The following LRP6 variants were observed in gnomAD, a reference collection of about 807,000 sequenced individuals.
LRP6 encodes LDL receptor related protein 6, also known as low-density lipoprotein receptor-related protein 6.
Under a neutral mutation model 184.1 loss-of-function variants are expected in LRP6, and 43 were observed. The observed-to-expected ratio is 0.23, with a 90% CI of 0.18 to 0.30. LRP6 has a LOEUF of 0.30. LRP6 is among the 10% of genes least tolerant of loss of function. LRP6 has a pLI of 1.00. For missense variants in LRP6, 1,571 were observed against 2,005.3 expected (o/e 0.78, Z 4.14); for synonymous variants, 719 against 684.9 (o/e 1.05, Z -0.78).
At chr12:12,215,003 T>A (rs1200404663) in intron 2 of LRP6, among the ~76,000 whole-genome samples, 1 of 152,238 alleles carries the variant, frequency 6.6e-6, no homozygotes, top group East Asian at 1.9e-4. Context: ...CCCTGCTATA[T>A]GAACCCTTCG....
At chr12:12,125,261 T>A in intron 21 of LRP6, 35 bp downstream of exon 21, 1 of 1,611,640 alleles carries the variant, frequency 6.2e-7, no homozygotes, top group South Asian at 1.1e-5. Context: ...TAAGATCTTA[T>A]GTATGTCGCA....
At chr12:12,237,919 A>G (rs1864964843) in intron 2 of LRP6, among the ~76,000 whole-genome samples, 1 of 152,236 alleles carries the variant, frequency 6.6e-6, no homozygotes, top group Non-Finnish European at 1.5e-5. Context: ...ACAGTATTCT[A>G]TCAACATTAA....
At chr12:12,171,822 C>A (rs1227078803) in intron 7 of LRP6, among the ~76,000 whole-genome samples, 2 of 152,220 alleles carry the variant, frequency 1.3e-5, no homozygotes, top group African/African-American at 4.8e-5. Flanking sequence ...CAATCTTTTT[C>A]TACCGGGCAC....
intron 7 of LRP6, among the ~76,000 whole-genome samples, chr12:12,177,246 G>C (rs1412676602): frequency 6.6e-6 from 1 of 152,098 alleles, no homozygotes; most frequent in Non-Finnish European, 1.5e-5. Context: ...TTCATTCTCG[G>C]GCATGACAAA....
rs571861133 is a variant in LRP6, at chr12:12,170,286, C to T, written c.1546-4991G>A. Among the ~76,000 whole-genome samples the T allele has an allele frequency of 8.9e-4, 136 of 152,138 alleles. 1 individual carries two copies. The highest frequency in any genetic ancestry group is 1.6e-3 in the Non-Finnish European group (106 of 68,010). On this transcript the variant is annotated intron_variant, in intron 7 of 22. Transcript: ENST00000261349. ...GGCAGAGGTTGCAGTGAGCTGACAC[C>T]GCACCACTGCACTTCAGTCTGGGTG... is the stretch of plus-strand genomic sequence containing the variant.
intron 3 of LRP6, among the ~76,000 whole-genome samples, chr12:12,201,440 T>C (rs1298081236): frequency 6.6e-6 from 1 of 152,222 alleles, no homozygotes; most frequent in Non-Finnish European, 1.5e-5. Flanking sequence ...GCTGCTGTTC[T>C]TAAAATAACC....
chr12:12,232,598 A>C (rs1591971636), intron 2 of LRP6, among the ~76,000 whole-genome samples: 1 of 151,320 alleles, frequency 6.6e-6, no homozygotes, highest in East Asian at 1.9e-4. Context: ...AAAAAAAAAA[A>C]AAACAGAAGT....
At position 12,119,528 on chromosome 12, in the gene LRP6, A is replaced by T. The variant is rs757217985; in HGVS notation, c.*1598T>A. On this transcript the variant is annotated 3_prime_UTR_variant, in exon 23 of 23. Coordinates refer to ENST00000261349, the MANE Select transcript of LRP6 (RefSeq NM_002336.3). ...AATCATTCCACAGGTCAGCCCTGAT[A>T]GCTCAAGATGTAGCAGCCCCAGTAC... 3 of 152,192 alleles carry T rather than the reference A, an allele frequency of 2.0e-5. No homozygotes were observed. The highest frequency in any genetic ancestry group is 4.4e-5 in the Non-Finnish European group (3 of 68,036). The allele number at this position is 152,192 out of a possible 1,614,324, so 9.4% of individuals were successfully genotyped here.
intron 2 of LRP6, among the ~76,000 whole-genome samples, chr12:12,211,434 T>A (rs1399629444): frequency 6.6e-6 from 1 of 152,100 alleles, no homozygotes; most frequent in African/African-American, 2.4e-5. Flanking sequence ...AGAGCAACAC[T>A]CCGTCTCAAA....
At chr12:12,242,970 A>C (rs1261633864) in intron 2 of LRP6, among the ~76,000 whole-genome samples, 1 of 152,246 alleles carries the variant, frequency 6.6e-6, no homozygotes, top group Non-Finnish European at 1.5e-5. Context: ...ATTACATAAA[A>C]AGAATTCACT....
intron 2 of LRP6, among the ~76,000 whole-genome samples, chr12:12,203,768 AAAACAAAC>A (rs888176079): frequency 5.3e-5 from 8 of 152,168 alleles, no homozygotes; most frequent in Admixed American, 1.3e-4. Flanking sequence ...CTCTGTCTCA[AAAACAAAC>A]AAACAAACAA....
intron 22 of LRP6, among the ~76,000 whole-genome samples, chr12:12,122,923 T>C (rs1230305234): frequency 6.6e-6 from 1 of 152,210 alleles, no homozygotes; most frequent in Non-Finnish European, 1.5e-5. Flanking sequence ...AGGCTTTTAC[T>C]ATCAATACTG....
intron 12 of LRP6, chr12:12,155,600 A>C (rs937782038): frequency 2.5e-6 from 2 of 789,408 alleles, no homozygotes; most frequent in African/African-American, 3.4e-5. Flanking sequence ...CAGAAAATGG[A>C]AAGTTATCAG....
chr12:12,131,606 C>T (rs992907877), intron 18 of LRP6, among the ~76,000 whole-genome samples: 2 of 152,136 alleles, frequency 1.3e-5, no homozygotes, highest in African/African-American at 4.8e-5. Context: ...ATTTTAGTTT[C>T]ATTTCTCAAT....
chr12:12,174,118 CT>C (rs371537696), intron 7 of LRP6, among the ~76,000 whole-genome samples: 1,687 of 143,864 alleles, frequency 0.012, 24 homozygotes, highest in African/African-American at 0.038. Flanking sequence ...ATCAATCTTT[CT>C]TTTTTTTTTT....
chr12:12,149,550 T>G (rs1950052912), intron 13 of LRP6, among the ~76,000 whole-genome samples: 2 of 152,206 alleles, frequency 1.3e-5, no homozygotes, highest in Admixed American at 6.5e-5. Flanking sequence ...CATGGGCATT[T>G]GGCAATGTAT....
chr12:12,233,339 G>A (rs1565688093), intron 2 of LRP6, among the ~76,000 whole-genome samples: 2 of 152,074 alleles, frequency 1.3e-5, no homozygotes. Context: ...ATGGTGGTGG[G>A]TGCTTATAGT....
chr12:12,128,750 G>A (rs1305893068), intron 19 of LRP6, among the ~76,000 whole-genome samples: 1 of 152,178 alleles, frequency 6.6e-6, no homozygotes, highest in African/African-American at 2.4e-5. Flanking sequence ...GCCAAGATGT[G>A]GTATGGTACT....
At chr12:12,138,843 T>G (rs1302282890) in intron 15 of LRP6, 4 of 1,387,842 alleles carry the variant, frequency 2.9e-6, no homozygotes, top group Non-Finnish European at 3.9e-6. Context: ...CAGATAAAAA[T>G]GGCACTTCTC....
Sources: gnomAD v4.1 joint callset for allele counts (sites outside exome capture counted in the v4.1 genomes callset) on GRCh38, gnomAD v4.1.1 for gene constraint, MANE v1.5 for transcripts, NCBI Gene and HGNC (gene_info 2026-07-23, HGNC 2026-07-21) for gene names.